Variants in ADCY8 observed in about 807,000 individuals in gnomAD.
ADCY8 encodes the protein adenylate cyclase type 8.
Under a neutral mutation model 119.7 loss-of-function variants are expected in ADCY8, and 51 were observed. The ratio of observed to expected loss-of-function variants is 0.43; its 90% CI spans 0.34 to 0.54. The LOEUF (loss-of-function observed/expected upper bound fraction) is 0.54. Ranked by LOEUF, ADCY8 falls within the 20% of genes least tolerant of loss-of-function variation. The pLI is 0.03. For missense variants in ADCY8, 1,383 were observed against 1,598.8 expected (o/e 0.87, Z 2.30); for synonymous variants, 665 against 651.0 (o/e 1.02, Z -0.33).
In ADCY8 at chr8:130,979,095, G is replaced by A. The variant is rs569851417; in HGVS notation, c.1110+11298C>T. On this transcript the variant is annotated intron_variant, in intron 2 of 17. Transcript: ENST00000286355. The stretch of plus-strand genomic sequence containing the variant: ...TATTAGCAGTTTTCTCATACTTGGT[G>A]GGTAGGAAAGGAGAAAGCTGGAGCC... Among the ~76,000 whole-genome samples the A allele has an allele frequency of 2.0e-4, 31 of 152,304 alleles. No individual in the cohort carries two copies. In the South Asian group the frequency reaches 3.7e-3, roughly 18 times the overall value.
intron 9 of ADCY8, among the ~76,000 whole-genome samples, chr8:130,853,911 T>C (rs1817622814): frequency 6.6e-6 from 1 of 152,220 alleles, no homozygotes; most frequent in African/African-American, 2.4e-5. Flanking sequence ...TTTTTAAGCC[T>C]ACCTTTTAAA....
At chr8:130,946,388 T>C (rs1433208758) in intron 3 of ADCY8, among the ~76,000 whole-genome samples, 1 of 152,216 alleles carries the variant, frequency 6.6e-6, no homozygotes, top group Non-Finnish European at 1.5e-5. Flanking sequence ...ATTATGCACC[T>C]GTATCTTTGT....
chr8:130,855,370 T>C (rs1221630827), intron 9 of ADCY8, among the ~76,000 whole-genome samples: 1 of 152,140 alleles, frequency 6.6e-6, no homozygotes, highest in African/African-American at 2.4e-5. Flanking sequence ...CCACAGCATA[T>C]GGATTGTCTG....
At chr8:130,852,586 G>T (rs142423177) in intron 9 of ADCY8, among the ~76,000 whole-genome samples, 37 of 152,318 alleles carry the variant, frequency 2.4e-4, no homozygotes, top group South Asian at 6.2e-4. Context: ...TCTTTTCAAA[G>T]TGTGAGACAG....
At chr8:130,898,162 G>A (rs1819471518) in intron 7 of ADCY8, among the ~76,000 whole-genome samples, 1 of 152,142 alleles carries the variant, frequency 6.6e-6, no homozygotes, top group South Asian at 2.1e-4. Context: ...TTCCATCTCT[G>A]TTATTTACCA....
At chr8:130,799,223 G>A (rs1315575845) in intron 15 of ADCY8, among the ~76,000 whole-genome samples, 1 of 152,178 alleles carries the variant, frequency 6.6e-6, no homozygotes, top group Non-Finnish European at 1.5e-5. Flanking sequence ...GCACAGCATA[G>A]TGACTATAGT....
At chr8:130,985,118 A>G (rs1822359748) in intron 2 of ADCY8, among the ~76,000 whole-genome samples, 1 of 152,172 alleles carries the variant, frequency 6.6e-6, no homozygotes, top group Non-Finnish European at 1.5e-5. Flanking sequence ...AGTAAAATTA[A>G]GAGAGGAGAG....
intron 4 of ADCY8, among the ~76,000 whole-genome samples, 175 bp from the exon 5 acceptor site, chr8:130,937,375 T>TG (rs1820819463): frequency 1.3e-5 from 2 of 152,166 alleles, no homozygotes; most frequent in Admixed American, 1.3e-4. Flanking sequence ...GTAACCTAAA[T>TG]GGGGGTTTGA....
chr8:130,948,751 C>T (rs918931159), intron 3 of ADCY8, among the ~76,000 whole-genome samples: 26 of 152,010 alleles, frequency 1.7e-4, no homozygotes, highest in African/African-American at 6.3e-4. Flanking sequence ...GCTCCCAACA[C>T]CGCAGCGGGG....
Position 130,902,997 on chromosome 8 carries a change from G to C in ADCY8, c.1911+775C>G, listed in dbSNP as rs117627353. Reference sequence around the variant, plus strand: ...TATTAGAGCAGGTAATTTTGCCATGGCTCCAAGCAAGCATTCTGGGAGAAC... The same window carrying C: ...TATTAGAGCAGGTAATTTTGCCATGCCTCCAAGCAAGCATTCTGGGAGAAC... On this transcript the variant is annotated intron_variant, in intron 7 of 17. Transcript: ENST00000286355. Among the ~76,000 whole-genome samples the C allele has an allele frequency of 1.4e-3, 210 of 152,144 alleles. 2 individuals carry two copies. In the East Asian group the frequency reaches 0.031, roughly 22 times the overall value.
intron 8 of ADCY8, among the ~76,000 whole-genome samples, chr8:130,869,451 A>G (rs974118665): frequency 6.6e-6 from 1 of 151,902 alleles, no homozygotes; most frequent in Non-Finnish European, 1.5e-5. Flanking sequence ...TCTAACAACC[A>G]ATTACAGAGG....
intron 13 of ADCY8, among the ~76,000 whole-genome samples, chr8:130,817,024 T>C (rs1816369473): frequency 6.6e-6 from 1 of 152,154 alleles, no homozygotes; most frequent in Non-Finnish European, 1.5e-5. Flanking sequence ...GCACAATAAT[T>C]TGATGACATG....
At chr8:130,857,235 G>GTA (rs10668266) in intron 9 of ADCY8, among the ~76,000 whole-genome samples, 151,295 of 151,366 alleles carry the variant, frequency 1, 75,612 homozygotes, top group Middle Eastern at 1. Flanking sequence ...AAAACTTAAA[G>GTA]TAATAATAAA....
At chr8:130,920,527 G>A (rs1471052683) in intron 5 of ADCY8, among the ~76,000 whole-genome samples, 1 of 152,150 alleles carries the variant, frequency 6.6e-6, no homozygotes, top group Non-Finnish European at 1.5e-5. Context: ...TTACTAAGTT[G>A]GTGCAAAAGT....
intron 1 of ADCY8, among the ~76,000 whole-genome samples, chr8:130,998,306 T>C (rs1222575100): frequency 6.6e-6 from 1 of 152,150 alleles, no homozygotes; most frequent in Admixed American, 6.5e-5. Flanking sequence ...AAGAAGACAT[T>C]TGAGCAATGA....
intron 2 of ADCY8, among the ~76,000 whole-genome samples, chr8:130,974,549 T>A (rs553119223): frequency 6.6e-6 from 1 of 152,294 alleles, no homozygotes; most frequent in South Asian, 2.1e-4. Context: ...AAAGGTAAGT[T>A]TTTTTGTGAA....
rs116843039 is a variant in ADCY8 at position 131,004,475 on chromosome 8, A to G, written c.961-13933T>C. 4.6e-5 allele frequency among the ~76,000 whole-genome samples: 7 copies of G among 151,496 alleles called. No homozygotes were observed. The East Asian group carries it at 1.4e-3, about 29-fold the overall frequency. On this transcript the variant is annotated intron_variant, in intron 1 of 17. Coordinates refer to ENST00000286355, the MANE Select transcript of ADCY8 (RefSeq NM_001115.3). ...AGGTCAAGCCTCATCTTGGTCAATC[A>G]CTCTTTTCTTTTTTGATCTCTCGAC...
chr8:131,032,615 C>T (rs1353913934), intron 1 of ADCY8, among the ~76,000 whole-genome samples: 1 of 152,094 alleles, frequency 6.6e-6, no homozygotes, highest in Non-Finnish European at 1.5e-5. Flanking sequence ...TGTCTGGCAT[C>T]TCCATAGTTA....
intron 13 of ADCY8, among the ~76,000 whole-genome samples, chr8:130,818,479 G>A (rs1285925329): frequency 6.6e-6 from 1 of 152,206 alleles, no homozygotes; most frequent in Non-Finnish European, 1.5e-5. Flanking sequence ...TGCCTCAGAG[G>A]AGGAAGTGTT....
Sources: gnomAD v4.1 joint callset for allele counts (sites outside exome capture counted in the v4.1 genomes callset) on GRCh38, gnomAD v4.1.1 for gene constraint, MANE v1.5 for transcripts, NCBI Gene and HGNC (gene_info 2026-07-23, HGNC 2026-07-21) for gene names.